ITSN1: variants seen among roughly 807,000 people sequenced by gnomAD.
The protein encoded by ITSN1 is intersectin-1.
A neutral mutation model predicts 239.8 loss-of-function variants in ITSN1; 58 were observed. The ratio of observed to expected loss-of-function variants is 0.24; its 90% CI spans 0.20 to 0.30. ITSN1 has a LOEUF of 0.30. ITSN1 is among the 10% of genes least tolerant of loss of function. The probability of loss-of-function intolerance (pLI) is 1.00; values close to 1 mark genes in which losing one functional copy is unlikely to be tolerated. For synonymous variants in ITSN1, 780 were observed against 770.8 expected (o/e 1.01, Z -0.20); for missense variants, 1,558 against 2,103.3 (o/e 0.74, Z 5.07).
chr21:33,690,775 G>GTGTA (rs1568946032), intron 1 of ITSN1, among the ~76,000 whole-genome samples: 3 of 21,612 alleles, frequency 1.4e-4, no homozygotes, highest in Non-Finnish European at 2.8e-4. Context: ...AAAAAAAAGT[G>GTGTA]TATATATATA....
At chr21:33,673,054 G>A (rs948151330) in intron 1 of ITSN1, among the ~76,000 whole-genome samples, 6 of 152,126 alleles carry the variant, frequency 3.9e-5, no homozygotes, top group African/African-American at 1.4e-4. Context: ...AAAATAAATT[G>A]GGGCATATAC....
rs551757235 is a variant in ITSN1, at chr21:33,681,386, A to G, written c.-32-37411A>G. On this transcript the variant is annotated intron_variant, in intron 1 of 39. Coordinates refer to ENST00000381318, the MANE Select transcript of ITSN1 (RefSeq NM_003024.3). ...TCTCTGCAGACAGTGGATCTAATGC[A>G]TGATAGCTGATTAATAAATGTTTGT... Among the ~76,000 whole-genome samples, 7 of 152,252 alleles carry G rather than the reference A, an allele frequency of 4.6e-5. 1 individual carries two copies. The South Asian group carries it at 1.5e-3, about 32-fold the overall frequency.
intron 1 of ITSN1, among the ~76,000 whole-genome samples, chr21:33,698,889 T>C (rs1052951732): frequency 6.6e-6 from 1 of 152,218 alleles, no homozygotes; most frequent in African/African-American, 2.4e-5. Flanking sequence ...TTGCAGATTA[T>C]TTTAAATAAG....
intron 34 of ITSN1, among the ~76,000 whole-genome samples, chr21:33,876,361 C>CT (rs1178485119): frequency 2.7e-5 from 4 of 148,130 alleles, no homozygotes; most frequent in African/African-American, 7.5e-5. Context: ...CTCTTCTCTT[C>CT]TTTTTTCTTT....
At position 33,721,358 on chromosome 21, in the gene ITSN1, A is replaced by T. The variant is rs376210842; in HGVS notation, c.121+88A>T. On this transcript the variant is annotated intron_variant, in intron 3 of 39. Transcript: ENST00000381318. ...TATCATGCAAAGACGAGATGGGCAA[A>T]TATGACCAAGGAGAGACATTTACCT... 203 of 848,592 alleles carry T rather than the reference A, an allele frequency of 2.4e-4. 1 individual carries two copies. The African/African-American group carries it at 3.0e-3, about 13-fold the overall frequency. 52.6% of individuals were successfully genotyped at this position (848,592 alleles called of 1,614,324 possible).
chr21:33,682,416 T>C lies in ITSN1; in HGVS notation c.-32-36381T>C, dbSNP rs1293042464. Among the ~76,000 whole-genome samples, 5 of 151,750 alleles carry C rather than the reference T, an allele frequency of 3.3e-5. No homozygotes were observed. The East Asian group carries it at 9.7e-4, about 29-fold the overall frequency. Reference sequence around the variant, plus strand: ...TTTTGGTAGAGGCGGGGTTTCTCCATGTTGGTCAGGCTGGTCTCGAACTCC... The same window carrying C: ...TTTTGGTAGAGGCGGGGTTTCTCCACGTTGGTCAGGCTGGTCTCGAACTCC... On this transcript the variant is annotated intron_variant, in intron 1 of 39. Transcript: ENST00000381318.
chr21:33,873,255 T>G (rs1983056236), intron 33 of ITSN1, among the ~76,000 whole-genome samples: 1 of 152,254 alleles, frequency 6.6e-6, no homozygotes, highest in Non-Finnish European at 1.5e-5. Context: ...ACGGTATGCC[T>G]TTGGGATAAG....
intron 1 of ITSN1, among the ~76,000 whole-genome samples, chr21:33,650,481 C>A (rs2088416913): frequency 6.6e-6 from 1 of 152,180 alleles, no homozygotes; most frequent in South Asian, 2.1e-4. Context: ...TTTTATTGTT[C>A]TAACACAGAC....
At chr21:33,684,640 A>T (rs1283216868) in intron 1 of ITSN1, among the ~76,000 whole-genome samples, 1 of 152,132 alleles carries the variant, frequency 6.6e-6, no homozygotes, top group Admixed American at 6.5e-5. Flanking sequence ...GATGAGGGAA[A>T]AAAATGACCC....
At chr21:33,693,983 T>G (rs1438877240) in intron 1 of ITSN1, among the ~76,000 whole-genome samples, 1 of 152,252 alleles carries the variant, frequency 6.6e-6, no homozygotes, top group Admixed American at 6.5e-5. Flanking sequence ...ATATAAAGTT[T>G]TATATTTTTA....
intron 4 of ITSN1, among the ~76,000 whole-genome samples, chr21:33,726,615 G>A (rs114147121): frequency 0.013 from 2,039 of 151,634 alleles, 54 homozygotes; most frequent in African/African-American, 0.046. Context: ...ACAATCCTCC[G>A]GACTCAAACA....
At chr21:33,843,636 A>C (rs753385671) in intron 29 of ITSN1, among the ~76,000 whole-genome samples, 1 of 152,234 alleles carries the variant, frequency 6.6e-6, no homozygotes, top group South Asian at 2.1e-4. Flanking sequence ...GGAACATTCT[A>C]TTTCCCTGTA....
intron 8 of ITSN1, among the ~76,000 whole-genome samples, chr21:33,758,738 C>G (rs2068088198): frequency 6.6e-6 from 1 of 152,132 alleles, no homozygotes; most frequent in Non-Finnish European, 1.5e-5. Context: ...AAATAAAGCT[C>G]ATTTCATGTA....
rs114753165 is a variant in ITSN1 at position 33,883,684 on chromosome 21, G to A, written c.4676+13G>A. On this transcript the variant is annotated intron_variant, in intron 36 of 39. Coordinates refer to ENST00000381318, the MANE Select transcript of ITSN1 (RefSeq NM_003024.3). The stretch of plus-strand genomic sequence containing the variant: ...GCATAAATGAAAGGTGAGACCTGCC[G>A]CCTCCCCAGCATGGGCCCCAGGGCT... 1.1e-3 allele frequency: 1,749 copies of A among 1,611,158 alleles called. 10 individuals carry two copies. The African/African-American group carries it at 0.019, about 18-fold the overall frequency.
rs1986976168 is a variant in ITSN1 at position 33,899,475 on chromosome 21, T to C, written c.*11175T>C. On this transcript the variant is annotated 3_prime_UTR_variant, in exon 40 of 40. Coordinates refer to ENST00000381318, the MANE Select transcript of ITSN1 (RefSeq NM_003024.3). ...AAAAGAGAGACTATATTGTCTGATA[T>C]GTAATGTTAATGGAATTCTAAGAAT... The C allele has an allele frequency of 6.6e-6, 1 of 152,238 alleles. No individual in the cohort carries two copies. The highest frequency in any genetic ancestry group is 2.4e-5 in the African/African-American group (1 of 41,464). The allele number at this position is 152,238 out of a possible 1,614,324, so 9.4% of individuals were successfully genotyped here. A position where few individuals can be genotyped will look rare whatever the true frequency, so the allele number is the denominator to read the frequency against.
chr21:33,759,677 T>G (rs1269515269), intron 8 of ITSN1, among the ~76,000 whole-genome samples: 1 of 152,176 alleles, frequency 6.6e-6, no homozygotes, highest in African/African-American at 2.4e-5. Context: ...TCTTAGATGC[T>G]CCCAAAACAC....
At chr21:33,886,728 C>T (rs1028999770) in intron 39 of ITSN1, among the ~76,000 whole-genome samples, 5 of 152,142 alleles carry the variant, frequency 3.3e-5, no homozygotes, top group African/African-American at 1.2e-4. Context: ...AAGCAGGTGA[C>T]TGTGGAGAGG....
intron 38 of ITSN1, 151 bp downstream of exon 38, chr21:33,885,673 C>T (rs887679396): frequency 1.6e-5 from 10 of 629,968 alleles, no homozygotes; most frequent in African/African-American, 9.2e-5. Flanking sequence ...TGTTAAAAAC[C>T]TGGAGGTTTT....
intron 4 of ITSN1, among the ~76,000 whole-genome samples, chr21:33,727,497 G>GGT (rs2065897511): frequency 1.3e-5 from 2 of 151,566 alleles, no homozygotes; most frequent in African/African-American, 2.4e-5. Context: ...GTTCAGAATG[G>GGT]GTGTCAGGGC....
Sources: gnomAD v4.1 joint callset for allele counts (sites outside exome capture counted in the v4.1 genomes callset) on GRCh38, gnomAD v4.1.1 for gene constraint, MANE v1.5 for transcripts, NCBI Gene and HGNC (gene_info 2026-07-23, HGNC 2026-07-21) for gene names.